The following ADGRL2 variants were observed in gnomAD, a reference collection of about 807,000 sequenced individuals.
ADGRL2 encodes adhesion G protein-coupled receptor L2.
In ADGRL2, 44 loss-of-function variants were observed where a neutral mutation model predicts 157.4. The ratio of observed to expected loss-of-function variants is 0.28; its 90% CI spans 0.22 to 0.36. The LOEUF is 0.36. ADGRL2 is among the 10% of genes least tolerant of loss of function. The pLI, the probability that ADGRL2 is intolerant of heterozygous loss-of-function variation, is 1.00. For synonymous variants in ADGRL2, 585 were observed against 624.7 expected (o/e 0.94, Z 0.95); for missense variants, 1,510 against 1,768.9 (o/e 0.85, Z 2.63).
chr1:81,864,705 T>C (rs985001640), intron 2 of ADGRL2, among the ~76,000 whole-genome samples: 3 of 152,184 alleles, frequency 2.0e-5, no homozygotes, highest in South Asian at 2.1e-4. Context: ...CTCACACCTG[T>C]AATCCCAGCA....
rs531325864 is a variant in ADGRL2 at position 81,418,552 on chromosome 1, C to G, written c.-301-26484C>G. ...AGATCACGAGGTCAGGAAATCAAAA[C>G]CATCCTGGCTAACACGGTGAAACCC... On this transcript the variant is annotated intron_variant, in intron 1 of 24. Transcript: ENST00000370721. Among the ~76,000 whole-genome samples the G allele has an allele frequency of 2.5e-3, 385 of 152,126 alleles. 2 individuals carry two copies. The highest frequency in any genetic ancestry group is 3.6e-3 in the Non-Finnish European group (248 of 68,030).
intron 1 of ADGRL2, among the ~76,000 whole-genome samples, chr1:81,749,111 A>G (rs1415735838): frequency 6.6e-6 from 1 of 152,176 alleles, no homozygotes; most frequent in Non-Finnish European, 1.5e-5. Context: ...TAAATATAAA[A>G]CATTTTCTTT....
intron 2 of ADGRL2, among the ~76,000 whole-genome samples, chr1:81,871,980 G>C (rs1420407078): frequency 6.6e-6 from 1 of 152,000 alleles, no homozygotes; most frequent in South Asian, 2.1e-4. Flanking sequence ...TATTGCTTTT[G>C]GTGTTTTAGA....
At chr1:81,563,834 A>G (rs550693949) in intron 2 of ADGRL2, among the ~76,000 whole-genome samples, 15 of 152,300 alleles carry the variant, frequency 9.8e-5, no homozygotes, top group African/African-American at 3.4e-4. Flanking sequence ...AAAAATTTCA[A>G]TCACACCCAA....
chr1:81,421,299 G>A (rs1375102365), intron 1 of ADGRL2, among the ~76,000 whole-genome samples: 3 of 152,112 alleles, frequency 2.0e-5, no homozygotes, highest in African/African-American at 4.8e-5. Context: ...TACTTATGGA[G>A]GATGTGAACA....
intron 2 of ADGRL2, among the ~76,000 whole-genome samples, chr1:81,875,178 G>T (rs1051067632): frequency 1.3e-5 from 2 of 152,086 alleles, no homozygotes; most frequent in Admixed American, 6.6e-5. Flanking sequence ...CAGTGATGGT[G>T]GGTCGTTTAT....
At chr1:81,858,790 C>T (rs1296528727) in intron 2 of ADGRL2, among the ~76,000 whole-genome samples, 1 of 152,088 alleles carries the variant, frequency 6.6e-6, no homozygotes, top group Non-Finnish European at 1.5e-5. Context: ...AAAATGTAGA[C>T]ATATTTACCA....
At chr1:81,555,265 C>CTTTTT (rs71666308) in intron 2 of ADGRL2, among the ~76,000 whole-genome samples, 113 of 115,798 alleles carry the variant, frequency 9.8e-4, no homozygotes, top group Non-Finnish European at 1.4e-3. Context: ...TATTTCTTTT[C>CTTTTT]TTTTTTTTTT....
Position 81,843,430 on chromosome 1 carries a change from CA to C in ADGRL2, c.73+6380del, listed in dbSNP as rs1343422606. On this transcript the variant is annotated intron_variant, in intron 2 of 23. Coordinates refer to ENST00000686636, the MANE Select transcript of ADGRL2 (RefSeq NM_001366006.2). ...ACAGGCATGAACCACTGTGCCCGGC[CA>C]AAAAAATGATTTTATTTAAGAAAAT... 3.3e-5 allele frequency among the ~76,000 whole-genome samples: 5 copies of C among 151,884 alleles called. No individual in the cohort carries two copies. In the South Asian group the frequency reaches 1.0e-3, roughly 32 times the overall value.
At chr1:81,703,989 T>A (rs1209754444) in intron 1 of ADGRL2, among the ~76,000 whole-genome samples, 4 of 152,180 alleles carry the variant, frequency 2.6e-5, no homozygotes, top group Non-Finnish European at 5.9e-5. Context: ...GAAAAACCCA[T>A]CATCTCTCTG....
At chr1:81,916,257 T>C (rs932926083) in intron 3 of ADGRL2, among the ~76,000 whole-genome samples, 2 of 152,176 alleles carry the variant, frequency 1.3e-5, no homozygotes, top group Admixed American at 1.3e-4. Context: ...TCAAGGACTT[T>C]GTTGTTCCTA....
intron 1 of ADGRL2, among the ~76,000 whole-genome samples, chr1:81,830,941 G>T (rs1451649492): frequency 6.6e-6 from 1 of 152,138 alleles, no homozygotes; most frequent in Non-Finnish European, 1.5e-5. Context: ...TTCATTTAGT[G>T]GTTGTATATA....
intron 3 of ADGRL2, among the ~76,000 whole-genome samples, chr1:81,627,879 A>C (rs920821917): frequency 4.6e-5 from 7 of 152,194 alleles, no homozygotes; most frequent in African/African-American, 1.4e-4. Flanking sequence ...GCCATGGCCC[A>C]CTGCTGTGCT....
intron 1 of ADGRL2, among the ~76,000 whole-genome samples, chr1:81,334,237 C>G (rs1038841289): frequency 1.3e-5 from 2 of 152,130 alleles, no homozygotes; most frequent in Non-Finnish European, 2.9e-5. Context: ...CTCATCTTCC[C>G]CATATCTTGG....
At chr1:81,697,912 T>C (rs1183712048), upstream of ADGRL2, among the ~76,000 whole-genome samples, 1 of 152,196 alleles carries the variant, frequency 6.6e-6, no homozygotes, top group Non-Finnish European at 1.5e-5. Flanking sequence ...CAGGCATCAG[T>C]ACCCATGTAT....
chr1:81,892,639 A>T (rs932248493), intron 2 of ADGRL2, among the ~76,000 whole-genome samples: 2 of 152,174 alleles, frequency 1.3e-5, no homozygotes, highest in Non-Finnish European at 2.9e-5. Flanking sequence ...AAATGGCTAG[A>T]TGGTAAATTT....
intron 3 of ADGRL2, among the ~76,000 whole-genome samples, chr1:81,681,019 A>G (rs1306077395): frequency 2.6e-5 from 4 of 152,232 alleles, no homozygotes; most frequent in Non-Finnish European, 5.9e-5. Flanking sequence ...GATAAGCACT[A>G]TAGTAAGACC....
intron 1 of ADGRL2, among the ~76,000 whole-genome samples, chr1:81,745,230 T>C (rs192093465): frequency 6.6e-6 from 1 of 152,356 alleles, no homozygotes; most frequent in East Asian, 1.9e-4. Context: ...AACTTTTTTA[T>C]AGCACAATGA....
At chr1:81,401,769 C>G (rs1252682633) in intron 1 of ADGRL2, among the ~76,000 whole-genome samples, 2 of 152,108 alleles carry the variant, frequency 1.3e-5, no homozygotes, top group East Asian at 1.9e-4. Context: ...TTCGAACTCA[C>G]TGTGCATTAG....
Sources: gnomAD v4.1 joint callset for allele counts (sites outside exome capture counted in the v4.1 genomes callset) on GRCh38, gnomAD v4.1.1 for gene constraint, MANE v1.5 for transcripts, NCBI Gene and HGNC (gene_info 2026-07-23, HGNC 2026-07-21) for gene names.